CACNA1D: variants seen among roughly 807,000 people sequenced by gnomAD.
CACNA1D encodes the protein calcium voltage-gated channel subunit alpha1 D, also known as voltage-dependent L-type calcium channel subunit alpha-1D.
In CACNA1D, 55 loss-of-function variants were observed where a neutral mutation model predicts 257.1. That is an observed-to-expected ratio of 0.21 (90% CI 0.17 to 0.27). The LOEUF (loss-of-function observed/expected upper bound fraction) is 0.27, where lower values mean the gene tolerates loss of function less well. Ranked by LOEUF, CACNA1D falls within the 10% of genes least tolerant of loss-of-function variation. The pLI is 1.00. For synonymous variants in CACNA1D, 980 were observed against 1,014.9 expected (o/e 0.97, Z 0.65); for missense variants, 1,876 against 2,784.0 (o/e 0.67, Z 7.34).
intron 33 of CACNA1D, chr3:53,773,446 A>G (rs1486976986): frequency 6.1e-6 from 1 of 165,212 alleles, no homozygotes; most frequent in African/African-American, 2.4e-5. Context: ...GAGCCCTAAC[A>G]TCAAGTGGGC....
intron 3 of CACNA1D, among the ~76,000 whole-genome samples, chr3:53,543,116 A>C (rs965938731): frequency 1.4e-5 from 2 of 147,132 alleles, no homozygotes; most frequent in Non-Finnish European, 3.0e-5. Flanking sequence ...GAACAGCAGC[A>C]GTAAAAAATA....
intron 20 of CACNA1D, 89 bp downstream of exon 20, chr3:53,735,592 C>T: frequency 7.0e-7 from 1 of 1,435,540 alleles, no homozygotes; most frequent in African/African-American, 1.4e-5. Flanking sequence ...TGGAGGCCCT[C>T]AAGGTGACAG....
chr3:53,645,219 C>T (rs2094006240), intron 3 of CACNA1D, among the ~76,000 whole-genome samples: 1 of 152,058 alleles, frequency 6.6e-6, no homozygotes, highest in South Asian at 2.1e-4. Flanking sequence ...TTGATATTAA[C>T]CCTTTATCAG....
intron 25 of CACNA1D, among the ~76,000 whole-genome samples, chr3:53,747,038 C>G (rs552120763): frequency 5.9e-5 from 9 of 152,236 alleles, no homozygotes; most frequent in African/African-American, 2.2e-4. Flanking sequence ...TATCGGCCAA[C>G]GACGTATGCC....
At chr3:53,566,028 A>G (rs1181543480) in intron 3 of CACNA1D, among the ~76,000 whole-genome samples, 1 of 152,216 alleles carries the variant, frequency 6.6e-6, no homozygotes, top group Admixed American at 6.5e-5. Flanking sequence ...ATTTCAAGTA[A>G]CATCAGTTCT....
chr3:53,521,716 C>T (rs1241173052), intron 3 of CACNA1D, among the ~76,000 whole-genome samples: 1 of 152,074 alleles, frequency 6.6e-6, no homozygotes, highest in Non-Finnish European at 1.5e-5. Context: ...TCCTTTCTTC[C>T]AGAAGGTACA....
chr3:53,622,348 A>T (rs901158556), intron 3 of CACNA1D, among the ~76,000 whole-genome samples: 4 of 152,226 alleles, frequency 2.6e-5, no homozygotes, highest in African/African-American at 9.6e-5. Context: ...ATTCGTAGGT[A>T]TTTGCCCAAG....
chr3:53,657,641 T>TA (rs2094161482), intron 4 of CACNA1D, among the ~76,000 whole-genome samples: 1 of 152,200 alleles, frequency 6.6e-6, no homozygotes, highest in Non-Finnish European at 1.5e-5. Context: ...ATTTTTTATC[T>TA]AAAATATGTA....
At chr3:53,693,324 A>G (rs930686960) in intron 8 of CACNA1D, among the ~76,000 whole-genome samples, 1 of 152,196 alleles carries the variant, frequency 6.6e-6, no homozygotes, top group Non-Finnish European at 1.5e-5. Context: ...ATGCAGAGAG[A>G]ACATCCTTTG....
chr3:53,694,704 G>A (rs2094558205), intron 8 of CACNA1D, among the ~76,000 whole-genome samples: 1 of 152,142 alleles, frequency 6.6e-6, no homozygotes, highest in Non-Finnish European at 1.5e-5. Context: ...AATAAATGAG[G>A]GGCTTTTTTC....
intron 30 of CACNA1D, among the ~76,000 whole-genome samples, chr3:53,763,512 T>C (rs968294272): frequency 6.6e-6 from 1 of 152,090 alleles, no homozygotes; most frequent in Non-Finnish European, 1.5e-5. Flanking sequence ...GGGCGTCCAG[T>C]GTGTGTGCCG....
In CACNA1D at chr3:53,780,116, A is replaced by G; in HGVS notation, c.4678A>G (p.Ile1560Val). The G allele has an allele frequency of 6.2e-7, 1 of 1,612,570 alleles. No homozygotes were observed. The highest frequency in any genetic ancestry group is 1.7e-4 in the Middle Eastern group (1 of 6,056). Residue 1560 changes from isoleucine to valine, a missense_variant, in exon 38 of 48, where the codon ATC (isoleucine) becomes GTC (valine). This residue lies in a region of CACNA1D where 160 missense variants were observed against 236.6 expected (regional missense o/e 0.68). Coordinates refer to ENST00000350061, the MANE Select transcript of CACNA1D (RefSeq NM_001128840.3). ...TGCTTTGGTTCGAACGGCTCTTAAGATCAAGACCGAAGGTGAGCATTCCCT... is the reference window on the plus strand; with the variant it reads ...TGCTTTGGTTCGAACGGCTCTTAAGGTCAAGACCGAAGGTGAGCATTCCCT... ...LFALVRTALK[I>V]KTEGNLEQAN...
chr3:53,520,649 C>T (rs2107336992), intron 3 of CACNA1D, among the ~76,000 whole-genome samples: 1 of 152,134 alleles, frequency 6.6e-6, no homozygotes, highest in South Asian at 2.1e-4. Context: ...ATCTGTAGTC[C>T]CAGCTACTTG....
intron 29 of CACNA1D, among the ~76,000 whole-genome samples, chr3:53,756,376 G>A (rs2095265123): frequency 6.6e-6 from 1 of 152,186 alleles, no homozygotes; most frequent in African/African-American, 2.4e-5. Flanking sequence ...GTAGACAGAG[G>A]GAGAAAACTC....
chr3:53,512,835 T>C (rs1559773062), intron 3 of CACNA1D, among the ~76,000 whole-genome samples: 1 of 152,260 alleles, frequency 6.6e-6, no homozygotes, highest in Non-Finnish European at 1.5e-5. Context: ...GCAAACCTAA[T>C]GACGGTTTTT....
At chr3:53,541,178 T>A (rs912192533) in intron 3 of CACNA1D, among the ~76,000 whole-genome samples, 1 of 152,230 alleles carries the variant, frequency 6.6e-6, no homozygotes, top group African/African-American at 2.4e-5. Flanking sequence ...AACTTCTGGG[T>A]CAAACAATTT....
chr3:53,615,383 G>A (rs1468248551), intron 3 of CACNA1D, among the ~76,000 whole-genome samples: 1 of 152,178 alleles, frequency 6.6e-6, no homozygotes, highest in Non-Finnish European at 1.5e-5. Flanking sequence ...GAAGCAACCC[G>A]GTTGCCCTGT....
intron 2 of CACNA1D, among the ~76,000 whole-genome samples, chr3:53,499,304 C>T (rs547776198): frequency 2.6e-5 from 4 of 152,114 alleles, no homozygotes; most frequent in South Asian, 2.1e-4. Flanking sequence ...GACCCTTAAG[C>T]AATATATGAT....
intron 39 of CACNA1D, chr3:53,786,468 C>T: frequency 3.4e-6 from 1 of 295,008 alleles, no homozygotes; most frequent in South Asian, 3.6e-5. Flanking sequence ...GAAATGTGGC[C>T]CGTGAAGCCT....
Sources: gnomAD v4.1 joint callset for allele counts (sites outside exome capture counted in the v4.1 genomes callset) on GRCh38, gnomAD v4.1.1 for gene constraint, gnomAD v4.1.1 regional missense constraint, MANE v1.5 for transcripts, NCBI Gene and HGNC (gene_info 2026-07-23, HGNC 2026-07-21) for gene names.